TENM2: variants seen among roughly 807,000 people sequenced by gnomAD.
TENM2 encodes teneurin transmembrane protein 2.
Under a neutral mutation model 245.2 loss-of-function variants are expected in TENM2, and 52 were observed. The observed-to-expected ratio is 0.21, with a 90% CI of 0.17 to 0.27. TENM2 has a LOEUF of 0.27. Ranked by LOEUF, TENM2 falls within the 10% of genes least tolerant of loss-of-function variation. The probability of loss-of-function intolerance (pLI) is 1.00; values close to 1 mark genes in which losing one functional copy is unlikely to be tolerated. For missense variants in TENM2, 3,046 were observed against 3,666.8 expected (o/e 0.83, Z 4.37); for synonymous variants, 1,363 against 1,438.9 (o/e 0.95, Z 1.19).
the TENM2 span, among the ~76,000 whole-genome samples, chr5:167,125,272 G>A: frequency 6.6e-6 from 1 of 152,154 alleles, no homozygotes. Flanking sequence ...ACTCTCACAG[G>A]GCTTACAGCC....
At chr5:167,609,864 A>G (rs571278419) in intron 2 of TENM2, among the ~76,000 whole-genome samples, 66 of 152,254 alleles carry the variant, frequency 4.3e-4, no homozygotes, top group African/African-American at 1.5e-3. Context: ...TCAATTCTCC[A>G]GCAGACCCCA....
rs188882083 is a variant in TENM2, at chr5:168,055,748, C to T, written c.1310-6312C>T. ...CATCACAACAGACAGGACAGAAGGA[C>T]GTAGAGCACCTACAATTTAGGTACA... is the stretch of plus-strand genomic sequence containing the variant. On this transcript the variant is annotated intron_variant, in intron 6 of 28. Transcript: ENST00000518659. Among the ~76,000 whole-genome samples the T allele has an allele frequency of 9.9e-5, 15 of 152,276 alleles. 1 individual carries two copies. Among genetic ancestry groups the T allele is most frequent in the Middle Eastern group, 3.4e-3 (1 of 294 alleles).
Position 168,101,177 on chromosome 5 carries a change from C to A in TENM2, c.1813+3050C>A, listed in dbSNP as rs62383403. ...GCGGAGGCTTTAAAGGAAGGAAAAT[C>A]TCAGTGTCATTTGAATGGCTTTCCT... On this transcript the variant is annotated intron_variant, in intron 9 of 28. Transcript: ENST00000518659. 1.4e-3 allele frequency among the ~76,000 whole-genome samples: 218 copies of A among 152,262 alleles called. 1 individual carries two copies. The highest frequency in any genetic ancestry group is 4.2e-3 in the Admixed American group (65 of 15,300).
At chr5:168,114,141 C>G (rs1414645969) in intron 9 of TENM2, among the ~76,000 whole-genome samples, 2 of 152,190 alleles carry the variant, frequency 1.3e-5, no homozygotes, top group African/African-American at 4.8e-5. Context: ...TCTTAATTTG[C>G]CTACCAAGTG....
intron 27 of TENM2, among the ~76,000 whole-genome samples, chr5:168,251,069 C>G (rs1767069328): frequency 6.6e-6 from 1 of 152,102 alleles, no homozygotes; most frequent in Non-Finnish European, 1.5e-5. Flanking sequence ...GGGAGGTTGA[C>G]TAGGCCTACC....
the TENM2 span, among the ~76,000 whole-genome samples, chr5:167,066,226 T>C: frequency 6.6e-6 from 1 of 152,134 alleles, no homozygotes; most frequent in Non-Finnish European, 1.5e-5. Flanking sequence ...AGGTTAAGTA[T>C]GATAATTACT....
intron 1 of TENM2, chr5:167,309,736 A>G (rs1422845860): frequency 6.6e-6 from 1 of 152,178 alleles, no homozygotes; most frequent in Non-Finnish European, 1.5e-5. Context: ...AAGGTAGTCC[A>G]TGCTCTCAGG....
intron 25 of TENM2, among the ~76,000 whole-genome samples, chr5:168,241,341 C>T (rs142931941): frequency 0.022 from 3,325 of 151,982 alleles, 54 homozygotes; most frequent in Non-Finnish European, 0.035. Flanking sequence ...CTGCAACCTC[C>T]ACCTCCTGGG....
At chr5:167,919,361 A>T (rs1184333846) in intron 3 of TENM2, among the ~76,000 whole-genome samples, 1 of 152,214 alleles carries the variant, frequency 6.6e-6, no homozygotes, top group Admixed American at 6.5e-5. Context: ...CAGTTAGTTT[A>T]TAAGAATGCA....
At chr5:168,086,591 G>C (rs1047314839) in intron 7 of TENM2, among the ~76,000 whole-genome samples, 15 of 152,166 alleles carry the variant, frequency 9.9e-5, no homozygotes, top group Non-Finnish European at 2.1e-4. Context: ...TCCTCCCGCA[G>C]CCAGCCGGTG....
At chr5:167,837,882 T>C (rs1314838211) in intron 2 of TENM2, among the ~76,000 whole-genome samples, 3 of 152,062 alleles carry the variant, frequency 2.0e-5, no homozygotes, top group African/African-American at 7.2e-5. Context: ...TAGCGCAGCA[T>C]ATGAAACCAC....
chr5:168,089,390 A>G (rs1272108342), intron 7 of TENM2, among the ~76,000 whole-genome samples: 3 of 152,070 alleles, frequency 2.0e-5, no homozygotes, highest in Admixed American at 1.3e-4. Context: ...CTTTCATCAC[A>G]TCAGTCACTG....
At position 167,919,063 on chromosome 5, in the gene TENM2, T is replaced by G. The variant is rs565320095; in HGVS notation, c.713-33525T>G. Among the ~76,000 whole-genome samples, 180 of 152,338 alleles carry G rather than the reference T, an allele frequency of 1.2e-3. 3 individuals carry two copies. The highest frequency in any genetic ancestry group is 4.0e-3 in the African/African-American group (165 of 41,578). ...ACTTTGATGCTTCACTAATGTGCAATCTCTATTTCTTGCTTTTGTCTGGGG... is the reference window on the plus strand; with the variant it reads ...ACTTTGATGCTTCACTAATGTGCAAGCTCTATTTCTTGCTTTTGTCTGGGG... On this transcript the variant is annotated intron_variant, in intron 3 of 28. Coordinates refer to ENST00000518659, the Ensembl canonical transcript of TENM2.
intron 9 of TENM2, among the ~76,000 whole-genome samples, chr5:168,111,301 C>A (rs985418627): frequency 1.3e-5 from 2 of 152,090 alleles, no homozygotes; most frequent in Non-Finnish European, 2.9e-5. Context: ...AACTTTGGCC[C>A]TCTGAGCCGG....
chr5:167,381,707 G>T (rs1003614724), intron 2 of TENM2, among the ~76,000 whole-genome samples: 1 of 152,044 alleles, frequency 6.6e-6, no homozygotes, highest in Non-Finnish European at 1.5e-5. Flanking sequence ...CTTAGCCTTT[G>T]TAGTCCCTTG....
At chr5:167,537,444 AT>A (rs1393645218) in intron 2 of TENM2, among the ~76,000 whole-genome samples, 1 of 152,202 alleles carries the variant, frequency 6.6e-6, no homozygotes, top group African/African-American at 2.4e-5. Context: ...CTTAGGAATC[AT>A]TTCAAATTAT....
chr5:167,853,308 A>G (rs1017433868), intron 2 of TENM2, among the ~76,000 whole-genome samples: 14 of 139,760 alleles, frequency 1.0e-4, no homozygotes, highest in South Asian at 2.3e-4. Context: ...AAAAAAAAAA[A>G]AAAAGAAAGT....
chr5:168,124,825 T>C, intron 10 of TENM2, 25 bp from the exon 13 acceptor site: 1 of 1,583,200 alleles, frequency 6.3e-7, no homozygotes, highest in Non-Finnish European at 8.6e-7. Flanking sequence ...TTTTATTCTT[T>C]GGTTTTTGTT....
At chr5:167,628,208 G>A (rs773770861) in intron 2 of TENM2, among the ~76,000 whole-genome samples, 8 of 152,062 alleles carry the variant, frequency 5.3e-5, no homozygotes, top group Non-Finnish European at 7.4e-5. Context: ...CTCTTCTGTC[G>A]TCGTTGCTTT....
Sources: gnomAD v4.1 joint callset for allele counts (sites outside exome capture counted in the v4.1 genomes callset) on GRCh38, gnomAD v4.1.1 for gene constraint, MANE v1.5 for transcripts, NCBI Gene and HGNC (gene_info 2026-07-23, HGNC 2026-07-21) for gene names.